The following NFATC2 variants were observed in gnomAD, a reference collection of about 807,000 sequenced individuals.
The protein encoded by NFATC2 is nuclear factor of activated T-cells, cytoplasmic 2.
In NFATC2, 22 loss-of-function variants were observed where a neutral mutation model predicts 87.3. That is an observed-to-expected ratio of 0.25 (90% CI 0.18 to 0.36). The LOEUF (loss-of-function observed/expected upper bound fraction) is 0.36, where lower values mean the gene tolerates loss of function less well. Among genes scored for constraint, NFATC2 ranks in the 10% least tolerant of loss-of-function variants. The pLI is 1.00. For synonymous variants in NFATC2, 565 were observed against 542.2 expected (o/e 1.04, Z -0.58); for missense variants, 1,149 against 1,259.1 (o/e 0.91, Z 1.32).
chr20:51,446,698 GA>G (rs1366180131), intron 6 of NFATC2, among the ~76,000 whole-genome samples: 1 of 152,326 alleles, frequency 6.6e-6, no homozygotes, highest in East Asian at 1.9e-4. Context: ...CAAATATTTA[GA>G]TCCCTGAAAA....
intron 4 of NFATC2, 136 bp downstream of exon 4, chr20:51,475,322 G>A (rs186090712): frequency 1.2e-4 from 102 of 826,202 alleles, no homozygotes; most frequent in Non-Finnish European, 1.2e-4. Flanking sequence ...ACAACGGGTC[G>A]ATGGATCACA....
At chr20:51,486,856 AT>A (rs987511487) in intron 3 of NFATC2, among the ~76,000 whole-genome samples, 6 of 152,248 alleles carry the variant, frequency 3.9e-5, no homozygotes, top group Middle Eastern at 3.4e-3. Context: ...GTCTGCAGGA[AT>A]GTGTCTCACC....
chr20:51,544,027 G>A (rs934549583), upstream of NFATC2, among the ~76,000 whole-genome samples: 4 of 116,154 alleles, frequency 3.4e-5, no homozygotes, highest in East Asian at 2.9e-4. Context: ...TCGCTCTGTC[G>A]CCCAGGCTGG....
intron 3 of NFATC2, among the ~76,000 whole-genome samples, chr20:51,498,688 G>A (rs1294557185): frequency 6.6e-5 from 10 of 152,236 alleles, no homozygotes; most frequent in Non-Finnish European, 4.4e-5. Flanking sequence ...TCAGGAGGCT[G>A]AGGCATGAGA....
In NFATC2 at chr20:51,391,297, C is replaced by G. The variant is rs1411488606; in HGVS notation, c.*199G>C. 7.6e-7 allele frequency: 1 copy of G among 1,324,072 alleles called. No individual in the cohort carries two copies. Among genetic ancestry groups the G allele is most frequent in the Non-Finnish European group, 1.1e-6 (1 of 916,590 alleles). The allele number at this position is 1,324,072 out of a possible 1,614,324, so 82.0% of individuals were successfully genotyped here. ...CCATACATTGATCCGCGTGTGGACT[C>G]CGGGCTGGGAGATGAACATGAAAGG... On this transcript the variant is annotated 3_prime_UTR_variant, in exon 11 of 11. Transcript: ENST00000371564.
At chr20:51,551,828 C>A (rs913602757) in intron 1 of NFATC2, among the ~76,000 whole-genome samples, 1 of 150,620 alleles carries the variant, frequency 6.6e-6, no homozygotes, top group African/African-American at 2.4e-5. Flanking sequence ...GAGATCAAGA[C>A]CATCCTGGCT....
rs76633260 is a variant in NFATC2 at position 51,408,692 on chromosome 20, G to A, written c.2723-9962C>T. Among the ~76,000 whole-genome samples, 6 of 152,220 alleles carry A rather than the reference G, an allele frequency of 3.9e-5. No individual in the cohort carries two copies. In the East Asian group the frequency reaches 1.2e-3, roughly 29 times the overall value. ...TACTGGACATAAAAATCAACTCCAGGTGGATTACAGACCCAAGGGTACAAG... is the reference window on the plus strand; with the variant it reads ...TACTGGACATAAAAATCAACTCCAGATGGATTACAGACCCAAGGGTACAAG... On this transcript the variant is annotated intron_variant, in intron 9 of 10. Coordinates refer to ENST00000371564, the MANE Select transcript of NFATC2 (RefSeq NM_012340.5).
chr20:51,410,252 G>A (rs868552345), intron 9 of NFATC2, among the ~76,000 whole-genome samples: 38 of 149,026 alleles, frequency 2.5e-4, no homozygotes, highest in Admixed American at 1.3e-3. Context: ...ACATTTATGA[G>A]ACAATTGAGA....
In NFATC2 at chr20:51,443,173, C is replaced by CCA. The variant is rs201248990; in HGVS notation, c.1850-7413_1850-7412insTG. Among the ~76,000 whole-genome samples the CCA allele has an allele frequency of 6.4e-3, 981 of 152,146 alleles. 11 individuals carry two copies. Among genetic ancestry groups the CCA allele is most frequent in the African/African-American group, 0.023 (940 of 41,482 alleles). ...TCAGGTGCAGCTCAGGGAGACCCCCCCTTCATCCTACACCATCCCCTTATA... is the reference window on the plus strand; with the variant it reads ...TCAGGTGCAGCTCAGGGAGACCCCCCCACTTCATCCTACACCATCCCCTTATA... On this transcript the variant is annotated intron_variant, in intron 6 of 10. Transcript: ENST00000371564.
intron 1 of NFATC2, among the ~76,000 whole-genome samples, chr20:51,561,267 T>A (rs2077018572): frequency 6.8e-6 from 1 of 147,794 alleles, no homozygotes; most frequent in Admixed American, 6.8e-5. Context: ...GTCATTGAGG[T>A]CTGCCGTGGC....
At chr20:51,490,607 CA>C (rs1285762965) in intron 3 of NFATC2, among the ~76,000 whole-genome samples, 1 of 152,012 alleles carries the variant, frequency 6.6e-6, no homozygotes, top group Non-Finnish European at 1.5e-5. Flanking sequence ...CCAGGATCAC[CA>C]GCAGGAAATC....
intron 10 of NFATC2, among the ~76,000 whole-genome samples, chr20:51,397,362 T>C: frequency 6.6e-6 from 1 of 151,906 alleles, no homozygotes; most frequent in East Asian, 1.9e-4. Context: ...GGACCCTCAA[T>C]AGGACTGTAG....
chr20:51,517,489 C>T (rs939797297), intron 2 of NFATC2, among the ~76,000 whole-genome samples: 2 of 151,430 alleles, frequency 1.3e-5, no homozygotes, highest in Non-Finnish European at 2.9e-5. Flanking sequence ...CTACCTGGGA[C>T]GCTGAGGTGG....
At chr20:51,502,282 A>G (rs925097174) in intron 3 of NFATC2, among the ~76,000 whole-genome samples, 1 of 152,202 alleles carries the variant, frequency 6.6e-6, no homozygotes, top group African/African-American at 2.4e-5. Flanking sequence ...TGACCATGGC[A>G]CCATGCCCTT....
In NFATC2 at chr20:51,388,873, C is replaced by T. The variant is rs1413792784; in HGVS notation, c.*2623G>A. 2.0e-5 allele frequency: 3 copies of T among 152,186 alleles called. No homozygotes were observed. Among genetic ancestry groups the T allele is most frequent in the Non-Finnish European group, 4.4e-5 (3 of 68,020 alleles). The allele number at this position is 152,186 out of a possible 1,614,324, so 9.4% of individuals were successfully genotyped here. On this transcript the variant is annotated 3_prime_UTR_variant, in exon 11 of 11. Coordinates refer to ENST00000371564, the MANE Select transcript of NFATC2 (RefSeq NM_012340.5). ...ACCCATCTTTACCATTTAGACACCC[C>T]TACTTTCTCATTCTCTTAGAGGATC... is the stretch of plus-strand genomic sequence containing the variant.
intron 1 of NFATC2, among the ~76,000 whole-genome samples, chr20:51,548,623 C>T (rs541172667): frequency 1.3e-5 from 2 of 152,280 alleles, no homozygotes; most frequent in African/African-American, 4.8e-5. Flanking sequence ...TCATTGTTTA[C>T]CTGAAATTCA....
At chr20:51,469,477 T>C (rs951897324) in intron 5 of NFATC2, among the ~76,000 whole-genome samples, 1 of 152,088 alleles carries the variant, frequency 6.6e-6, no homozygotes, top group African/African-American at 2.4e-5. Context: ...AGCCAACAAA[T>C]GCAGTTGAGG....
intron 4 of NFATC2, among the ~76,000 whole-genome samples, chr20:51,474,437 G>A (rs2146512904): frequency 6.6e-6 from 1 of 152,276 alleles, no homozygotes; most frequent in Non-Finnish European, 1.5e-5. Context: ...TATTGATTGT[G>A]GACTATTCAA....
chr20:51,475,375 G>A (rs941145257), intron 4 of NFATC2, 83 bp downstream of exon 4: 24 of 1,324,094 alleles, frequency 1.8e-5, no homozygotes, highest in Non-Finnish European at 1.8e-5. Context: ...CAGTTCTGTA[G>A]AGTCCCCTCT....
Sources: gnomAD v4.1 joint callset for allele counts (sites outside exome capture counted in the v4.1 genomes callset) on GRCh38, gnomAD v4.1.1 for gene constraint, MANE v1.5 for transcripts, NCBI Gene and HGNC (gene_info 2026-07-23, HGNC 2026-07-21) for gene names.